The following CPAMD8 variants were observed in gnomAD, a reference collection of about 807,000 sequenced individuals.
CPAMD8 encodes the protein C3 and PZP-like alpha-2-macroglobulin domain-containing protein 8.
Under a neutral mutation model 224.7 loss-of-function variants are expected in CPAMD8, and 146 were observed. The observed-to-expected ratio is 0.65, with a 90% CI of 0.57 to 0.75. CPAMD8 has a LOEUF of 0.75. Among genes scored for constraint, CPAMD8 ranks in the 30% least tolerant of loss-of-function variants. CPAMD8 has a pLI of 0.00. For missense variants in CPAMD8, 2,301 were observed against 2,537.5 expected (o/e 0.91, Z 2.00); for synonymous variants, 966 against 1,044.6 (o/e 0.92, Z 1.45).
intron 10 of CPAMD8, among the ~76,000 whole-genome samples, chr19:16,997,931 G>A (rs944283583): frequency 6.6e-6 from 1 of 152,174 alleles, no homozygotes; most frequent in African/African-American, 2.4e-5. Flanking sequence ...TCACTCTGGG[G>A]CACCAGAACT....
Position 16,957,869 on chromosome 19 carries a change from G to A in CPAMD8, c.2260C>T (p.His754Tyr). The A allele has an allele frequency of 1.2e-6, 2 of 1,614,102 alleles. 1 individual carries two copies. Among genetic ancestry groups the A allele is most frequent in the South Asian group, 2.2e-5 (2 of 91,072 alleles). ...RTFFPETWIWHCLNISDPSGE... is the reference protein window; with the variant it reads ...RTFFPETWIWYCLNISDPSGE... ...TTAATGTACCTGATGTTGAGACAAT[G>A]CCAAATCCATGTTTCGGGGAAGAAA... The change falls in exon 19 of 42, where the codon CAT (histidine) becomes TAT (tyrosine). Residue 754 changes from histidine (H) to tyrosine (Y), a missense_variant. His to Tyr is a moderately conservative substitution (Grantham distance 83). Coordinates refer to ENST00000443236, the MANE Select transcript of CPAMD8 (RefSeq NM_015692.5).
rs138975332 is a variant in CPAMD8, at chr19:16,920,991, G to A, written c.3629+914C>T. Among the ~76,000 whole-genome samples, 424 of 152,256 alleles carry A rather than the reference G, an allele frequency of 2.8e-3. 2 individuals carry two copies. Among genetic ancestry groups the A allele is most frequent in the African/African-American group, 9.9e-3 (413 of 41,534 alleles). Reference sequence around the variant, plus strand: ...CAGTGGCTTTAGCTGTCCCTGGGGTGGGCGGGGCCTCTGCTTGCTAAGACG... The same window carrying A: ...CAGTGGCTTTAGCTGTCCCTGGGGTAGGCGGGGCCTCTGCTTGCTAAGACG... On this transcript the variant is annotated intron_variant, in intron 27 of 41. Transcript: ENST00000443236.
chr19:16,928,349 G>A (rs2053439209), intron 24 of CPAMD8, 115 bp from the exon 25 acceptor site: 1 of 740,276 alleles, frequency 1.4e-6, no homozygotes, highest in African/African-American at 1.8e-5. Context: ...TGCTCACAGT[G>A]CAAGGAAGGG....
At chr19:17,026,487 G>T in intron 1 of CPAMD8, 64 bp downstream of exon 1, 1 of 1,433,136 alleles carries the variant, frequency 7.0e-7, no homozygotes, top group Non-Finnish European at 9.1e-7. Context: ...AACACTCTGA[G>T]CCAGTACCCG....
Position 16,921,892 on chromosome 19 carries a change from G to T in CPAMD8, c.3629+13C>A. The stretch of plus-strand genomic sequence containing the variant: ...GAGCCTCAGAGGCAATGCCCAGGGC[G>T]GTGGGGACTCACCACATGCTCCCCG... On this transcript the variant is annotated intron_variant, in intron 27 of 41. Transcript: ENST00000443236. 1 of 1,528,888 alleles carries T rather than the reference G, an allele frequency of 6.5e-7. No individual in the cohort carries two copies. Among genetic ancestry groups the T allele is most frequent in the Non-Finnish European group, 8.8e-7 (1 of 1,134,734 alleles). 94.7% of individuals were successfully genotyped at this position (1,528,888 alleles called of 1,614,324 possible).
rs370170132 is a variant in CPAMD8 at position 16,897,876 on chromosome 19, C to A, written c.4954+13G>T. The A allele has an allele frequency of 2.5e-5, 40 of 1,597,598 alleles. No homozygotes were observed. The highest frequency in any genetic ancestry group is 3.2e-5 in the Non-Finnish European group (38 of 1,172,678). On this transcript the variant is annotated intron_variant, in intron 38 of 41. Transcript: ENST00000443236. Reference sequence around the variant, plus strand: ...GACCGGGCCGGGCCGGGGGTGCGGGCGCGCGGGCCTACCGGGTTCGTAGTA... The same window carrying A: ...GACCGGGCCGGGCCGGGGGTGCGGGAGCGCGGGCCTACCGGGTTCGTAGTA...
chr19:16,907,220 C>G, intron 29 of CPAMD8, 103 bp from the exon 30 acceptor site: 1 of 1,346,550 alleles, frequency 7.4e-7, no homozygotes, highest in Non-Finnish European at 9.6e-7. Flanking sequence ...CTGGGTGACT[C>G]CTAGCCCCTT....
At chr19:16,907,164 C>G (rs766877579) in intron 29 of CPAMD8, 47 bp from the exon 30 acceptor site, 2 of 1,463,874 alleles carry the variant, frequency 1.4e-6, no homozygotes, top group African/African-American at 1.4e-5. Flanking sequence ...TGCTCTGCCC[C>G]CATCCCACCC....
chr19:16,955,596 G>C (rs1406948850), intron 19 of CPAMD8, among the ~76,000 whole-genome samples: 1 of 152,156 alleles, frequency 6.6e-6, no homozygotes, highest in Non-Finnish European at 1.5e-5. Flanking sequence ...TAATACCACT[G>C]AACTATACAC....
At chr19:16,944,404 G>T (rs112025499) in intron 22 of CPAMD8, among the ~76,000 whole-genome samples, 1 of 152,218 alleles carries the variant, frequency 6.6e-6, no homozygotes, top group African/African-American at 2.4e-5. Flanking sequence ...TGGATGGGAG[G>T]AAAGGCTCCA....
At chr19:16,951,028 C>A (rs2054282482) in intron 20 of CPAMD8, among the ~76,000 whole-genome samples, 1 of 152,066 alleles carries the variant, frequency 6.6e-6, no homozygotes, top group South Asian at 2.1e-4. Flanking sequence ...GAGCTTTGGC[C>A]TTCACTGCAC....
chr19:16,989,827 C>G lies in CPAMD8; in HGVS notation c.1267-56G>C, dbSNP rs893955796. The G allele has an allele frequency of 6.5e-6, 10 of 1,549,116 alleles. No homozygotes were observed. The African/African-American group carries it at 1.2e-4, about 19-fold the overall frequency. Reference sequence around the variant, plus strand: ...CGAGTGCCAAGAGCAGAAAGGGGGTCTTGGGGATGCTTCTGCTTGCTCTGC... The same window carrying G: ...CGAGTGCCAAGAGCAGAAAGGGGGTGTTGGGGATGCTTCTGCTTGCTCTGC... On this transcript the variant is annotated intron_variant, in intron 12 of 41. Coordinates refer to ENST00000443236, the MANE Select transcript of CPAMD8 (RefSeq NM_015692.5).
Position 16,975,994 on chromosome 19 carries a change from C to A in CPAMD8, c.1908+8G>T. 7.0e-6 allele frequency: 11 copies of A among 1,581,612 alleles called. No individual in the cohort carries two copies. Among genetic ancestry groups the A allele is most frequent in the Non-Finnish European group, 8.6e-6 (10 of 1,162,852 alleles). On this transcript the variant is annotated splice_region_variant and intron_variant, in intron 16 of 41. Transcript: ENST00000443236. ...GGTCTAGAACCCAAGCCCGAGGGGTCTGCTCACCTGGGCAGGAGTCAGCCG... is the reference window on the plus strand; with the variant it reads ...GGTCTAGAACCCAAGCCCGAGGGGTATGCTCACCTGGGCAGGAGTCAGCCG...
chr19:16,956,508 A>G (rs2054476608), intron 19 of CPAMD8, among the ~76,000 whole-genome samples: 1 of 151,998 alleles, frequency 6.6e-6, no homozygotes, highest in Non-Finnish European at 1.5e-5. Context: ...GACTCTGTCT[A>G]CCTTATTCAA....
At position 16,928,970 on chromosome 19, in the gene CPAMD8, C is replaced by A. The variant is rs771765932; in HGVS notation, c.3116G>T (p.Trp1039Leu). 1.4e-5 allele frequency: 22 copies of A among 1,612,006 alleles called. No individual in the cohort carries two copies. In the South Asian group the frequency reaches 2.4e-4, roughly 18 times the overall value. ...GATAAGGCCACCACGCCAGCTGATC[C>A]AGAATGTTCTGAATTCATCCCAGGA... ...ILSWDEFRTF[W>L]ISWRGGLIQV... The change falls in exon 24 of 42, where the codon TGG (tryptophan) becomes TTG (leucine). Residue 1039 changes from tryptophan to leucine, a missense_variant. Around this residue, in one of 4 missense-constraint regions of CPAMD8, gnomAD observed 1,709 missense variants for 1,753.2 expected, o/e 0.97. Coordinates refer to ENST00000443236, the MANE Select transcript of CPAMD8 (RefSeq NM_015692.5).
At chr19:16,991,215 C>G (rs529161939) in intron 12 of CPAMD8, among the ~76,000 whole-genome samples, 10 of 152,268 alleles carry the variant, frequency 6.6e-5, no homozygotes, top group Admixed American at 2.0e-4. Flanking sequence ...AGCTTCCAAT[C>G]TGGGAATTGC....
At chr19:16,942,132 G>A (rs991672934) in intron 22 of CPAMD8, among the ~76,000 whole-genome samples, 2 of 152,018 alleles carry the variant, frequency 1.3e-5, no homozygotes, top group African/African-American at 4.8e-5. Flanking sequence ...ACAGCCTACA[G>A]AGCTGTGAGC....
At chr19:16,941,702 C>T (rs763435692) in intron 22 of CPAMD8, among the ~76,000 whole-genome samples, 17 of 152,228 alleles carry the variant, frequency 1.1e-4, no homozygotes, top group South Asian at 2.1e-4. Context: ...CGGCTGGGCA[C>T]GGTGGCTCAC....
At chr19:16,946,999 C>A (rs1006169685) in intron 21 of CPAMD8, 75 bp downstream of exon 21, 3 of 1,476,918 alleles carry the variant, frequency 2.0e-6, no homozygotes, top group African/African-American at 2.8e-5. Context: ...ACCCCTCATC[C>A]CCAACTCGGG....
Sources: allele counts gnomAD v4.1 joint callset (sites outside exome capture counted in the v4.1 genomes callset), GRCh38; gene constraint gnomAD v4.1.1; regional missense constraint gnomAD v4.1.1; transcripts MANE v1.5; gene names NCBI Gene and HGNC (gene_info 2026-07-23, HGNC 2026-07-21).